The following IFIH1 variants were observed in gnomAD, a reference collection of about 807,000 sequenced individuals.
IFIH1 encodes interferon induced with helicase C domain 1.
In IFIH1, 125 loss-of-function variants were observed where a neutral mutation model predicts 107.4. The ratio of observed to expected loss-of-function variants is 1.16; its 90% CI spans 1.01 to 1.35. The LOEUF (loss-of-function observed/expected upper bound fraction) is 1.35, where lower values mean the gene tolerates loss of function less well. IFIH1 is among the 40% of genes most tolerant of loss of function. The pLI, the probability that IFIH1 is intolerant of heterozygous loss-of-function variation, is 0.00. For synonymous variants in IFIH1, 458 were observed against 413.2 expected (o/e 1.11, Z -1.31); for missense variants, 1,333 against 1,213.7 (o/e 1.10, Z -1.46).
At chr2:162,305,325 T>C (rs556737763) in intron 3 of IFIH1, among the ~76,000 whole-genome samples, 2 of 152,222 alleles carry the variant, frequency 1.3e-5, no homozygotes, top group African/African-American at 4.8e-5. Flanking sequence ...ATCCCAGCAC[T>C]TTGGGAGGCC....
Position 162,310,819 on chromosome 2 carries a change from T to C in IFIH1, c.568A>G (p.Asn190Asp), listed in dbSNP as rs746026239. The C allele has an allele frequency of 1.2e-6, 2 of 1,613,876 alleles. No individual in the cohort carries two copies. Among genetic ancestry groups the C allele is most frequent in the South Asian group, 2.2e-5 (2 of 91,070 alleles). Reference protein sequence around the residue: ...AFLNVLRQTGNNELVQELTGS... With the variant: ...AFLNVLRQTGDNELVQELTGS... Reference sequence around the variant, plus strand: ...GTTAACTCTTGGACAAGTTCATTGTTTCCTGTTTGACGAAGAACATTCAGA... The same window carrying C: ...GTTAACTCTTGGACAAGTTCATTGTCTCCTGTTTGACGAAGAACATTCAGA... Residue 190 changes from asparagine (N) to aspartate (D), a missense_variant, in exon 2 of 16, where the codon AAC becomes GAC. Coordinates refer to ENST00000649979, the MANE Select transcript of IFIH1 (RefSeq NM_022168.4).
At position 162,281,518 on chromosome 2, in the gene IFIH1, CA is replaced by C; in HGVS notation, c.1333del (p.Cys445ValfsTer14). 6.2e-7 allele frequency: 1 copy of C among 1,610,452 alleles called. No homozygotes were observed. The highest frequency in any genetic ancestry group is 1.7e-5 in the Admixed American group (1 of 59,700). On this transcript the variant is annotated frameshift_variant, in exon 7 of 16. Coordinates refer to ENST00000649979, the MANE Select transcript of IFIH1 (RefSeq NM_022168.4). LOFTEE classifies it high-confidence loss of function. ...SDFSLIIIDECHHTNKEAVYN... is the reference protein window; with the variant it reads ...SDFSLIIIDEXHHTNKEAVYN... ...CACTGCTTCTTTGTTGGTGTGATGA[CA>C]TTCATCAATGATAATGAGGGAAAAG...
rs1682718375 is a variant in IFIH1, at chr2:162,277,508, C to T, written c.1951G>A (p.Asp651Asn). The T allele has an allele frequency of 6.3e-7, 1 of 1,583,132 alleles. No homozygotes were observed. Among genetic ancestry groups the T allele is most frequent in the Non-Finnish European group, 8.7e-7 (1 of 1,152,348 alleles). ...IEDDSDEGGD[D>N]EYCDGDEDED... ...TCTTCATCACCATCACAATACTCATCATCACCACCCTCATCACTATCATCT... is the reference window on the plus strand; with the variant it reads ...TCTTCATCACCATCACAATACTCATTATCACCACCCTCATCACTATCATCT... Residue 651 changes from aspartate to asparagine, a missense_variant, in exon 10 of 16, where the codon GAT becomes AAT. Physicochemically the swap from Asp to Asn is conservative, Grantham distance 23. Transcript: ENST00000649979.
intron 11 of IFIH1, among the ~76,000 whole-genome samples, chr2:162,274,356 C>G (rs994397586): frequency 3.9e-5 from 6 of 152,086 alleles, no homozygotes; most frequent in Admixed American, 6.5e-5. Flanking sequence ...TGCAGAGATG[C>G]TTTGATATAT....
rs1162216329 is a variant in IFIH1 at position 162,303,898 on chromosome 2, A to G, written c.769+2811T>C. ...AGATGCAGGGTCATCTCTCAGCAGT[A>G]GCTCCATCTTCCCTTCTTTCTAGTG... On this transcript the variant is annotated intron_variant, in intron 3 of 15. Transcript: ENST00000649979. 6.6e-5 allele frequency among the ~76,000 whole-genome samples: 10 copies of G among 152,308 alleles called. No individual in the cohort carries two copies. The East Asian group carries it at 1.5e-3, about 24-fold the overall frequency.
chr2:162,268,880 C>T (rs775630326), intron 13 of IFIH1, among the ~76,000 whole-genome samples: 6 of 151,976 alleles, frequency 3.9e-5, no homozygotes, highest in Admixed American at 1.3e-4. Context: ...TGAGCCACTG[C>T]GCCAGCCTAC....
chr2:162,314,420 CTTTCTTT>C (rs1683442778), intron 1 of IFIH1, among the ~76,000 whole-genome samples: 4 of 34,196 alleles, frequency 1.2e-4, no homozygotes, highest in African/African-American at 7.5e-4. Flanking sequence ...TCTTTCTTTT[CTTTCTTT>C]CTTTCTTTCT....
In IFIH1 at chr2:162,267,382, G is replaced by A. The variant is rs1559808705; in HGVS notation, c.2899-3C>T. On this transcript the variant is annotated splice_region_variant and splice_polypyrimidine_tract_variant and intron_variant, in intron 15 of 15. Coordinates refer to ENST00000649979, the MANE Select transcript of IFIH1 (RefSeq NM_022168.4). ...TGCACCATCATTGTTCCCCAAGCCT[G>A]GAAAACAAAAGAGAGAGCAAGAGGA... 1 of 1,613,712 alleles carries A rather than the reference G, an allele frequency of 6.2e-7. No homozygotes were observed.
chr2:162,282,579 T>C lies in IFIH1; in HGVS notation c.1096-3A>G, dbSNP rs373969191. 120 of 1,587,320 alleles carry C rather than the reference T, an allele frequency of 7.6e-5. 1 individual carries two copies. The South Asian group carries it at 1.1e-3, about 15-fold the overall frequency. Reference sequence around the variant, plus strand: ...AAGAGCTGTTCAACTAGCAGTACCTTAAAAAAATGTGAAGATTTTTTAAAA... The same window carrying C: ...AAGAGCTGTTCAACTAGCAGTACCTCAAAAAAATGTGAAGATTTTTTAAAA... On this transcript the variant is annotated splice_polypyrimidine_tract_variant and splice_region_variant and intron_variant, in intron 5 of 15. Coordinates refer to ENST00000649979, the MANE Select transcript of IFIH1 (RefSeq NM_022168.4).
chr2:162,268,177 A>C lies in IFIH1; in HGVS notation c.2717T>G (p.Leu906Arg). ...GGCTAGCACACTGCAGTTTTTGCAA[A>C]GGAAAGTTATTAGTGATGGGTTATT... ...YKNNPSLITFLCKNCSVLACS... is the reference protein window; with the variant it reads ...YKNNPSLITFRCKNCSVLACS... The change falls in exon 14 of 16, where the codon CTT becomes CGT. Residue 906 changes from leucine (L) to arginine (R), a missense_variant. Physicochemically the swap from Leu to Arg is moderately radical, Grantham distance 102. Coordinates refer to ENST00000649979, the MANE Select transcript of IFIH1 (RefSeq NM_022168.4). The C allele has an allele frequency of 6.2e-7, 1 of 1,613,656 alleles. No homozygotes were observed. Among genetic ancestry groups the C allele is most frequent in the Non-Finnish European group, 8.5e-7 (1 of 1,179,636 alleles).
chr2:162,282,381 C>T lies in IFIH1; in HGVS notation c.1291G>A (p.Gly431Ser). The change falls in exon 6 of 16, where the codon GGT (glycine) becomes AGT (serine). Residue 431 changes from glycine (G) to serine (S), a missense_variant. By Grantham distance (56) the Gly-to-Ser change is moderately conservative. Coordinates refer to ENST00000649979, the MANE Select transcript of IFIH1 (RefSeq NM_022168.4). ...TTAAACTGACCTGACAATTGAACAC[C>T]AGCATCTTCTCCATTTTCCAAGTTT... is the stretch of plus-strand genomic sequence containing the variant. The part of the protein sequence containing the change: ...LLNLENGEDA[G>S]VQLSDFSLII... The T allele has an allele frequency of 6.2e-7, 1 of 1,607,818 alleles. No individual in the cohort carries two copies. Among genetic ancestry groups the T allele is most frequent in the Non-Finnish European group, 8.5e-7 (1 of 1,175,942 alleles).
At chr2:162,282,175 T>C (rs1235188698) in intron 6 of IFIH1, among the ~76,000 whole-genome samples, 191 bp downstream of exon 6, 2 of 151,972 alleles carry the variant, frequency 1.3e-5, no homozygotes, top group African/African-American at 4.8e-5. Flanking sequence ...ATGGTATTCT[T>C]ATGCAGAATA....
rs748633150 is a variant in IFIH1, at chr2:162,310,835, A to G, written c.552T>C (p.Val184=). Reference sequence around the variant, plus strand: ...GTTCATTGTTTCCTGTTTGACGAAGAACATTCAGAAATGCAGAGAACCAGT... The same window carrying G: ...GTTCATTGTTTCCTGTTTGACGAAGGACATTCAGAAATGCAGAGAACCAGT... ...KENWFSAFLN[V]LRQTGNNELV... is the part of the protein sequence containing the mutation. Residue 184 remains valine, a synonymous_variant, in exon 2 of 16, where the codon GTT becomes GTC. Coordinates refer to ENST00000649979, the MANE Select transcript of IFIH1 (RefSeq NM_022168.4). The G allele has an allele frequency of 5.6e-6, 9 of 1,613,520 alleles. No individual in the cohort carries two copies. The highest frequency in any genetic ancestry group is 4.2e-6 in the Non-Finnish European group (5 of 1,179,626).
chr2:162,281,566 G>T, intron 6 of IFIH1, 21 bp from the exon 7 acceptor site: 2 of 1,545,900 alleles, frequency 1.3e-6, no homozygotes, highest in Non-Finnish European at 1.8e-6. Flanking sequence ...AATTCAAAGA[G>T]TTCATTTCTC....
Position 162,281,361 on chromosome 2 carries a change from C to G in IFIH1, c.1491G>C (p.Thr497=), listed in dbSNP as rs12479043. 0.043 allele frequency: 68,838 copies of G among 1,612,322 alleles called. 7,793 individuals are homozygous for G. Among genetic ancestry groups the G allele is most frequent in the African/African-American group, 0.32 (23,993 of 74,808 alleles). The change falls in exon 7 of 16, where the codon ACG becomes ACC. Residue 497 remains threonine, a synonymous_variant. Coordinates refer to ENST00000649979, the MANE Select transcript of IFIH1 (RefSeq NM_022168.4). The stretch of plus-strand genomic sequence containing the variant: ...TGTGTTCTTCAGCTTTGGCTTGCTT[C>G]GTGGCCCCTCCAACACCAGGTGAAG... ...LTASPGVGGA[T]KQAKAEEHIL...
intron 15 of IFIH1, 48 bp from the exon 16 acceptor site, chr2:162,267,427 T>G: frequency 6.2e-7 from 1 of 1,612,622 alleles, no homozygotes; most frequent in East Asian, 2.2e-5. Context: ...GTACATGCAA[T>G]TAAACATTCC....
At chr2:162,282,148 G>A (rs577478796) in intron 6 of IFIH1, among the ~76,000 whole-genome samples, 4 of 151,924 alleles carry the variant, frequency 2.6e-5, no homozygotes, top group East Asian at 1.9e-4. Context: ...AAAGTCCAGC[G>A]AGTGCTTGCC....
chr2:162,276,793 G>T lies in IFIH1; in HGVS notation c.2198C>A (p.Ala733Glu), dbSNP rs200251981. Residue 733 changes from alanine to glutamate, a missense_variant, in exon 11 of 16, where the codon GCG (alanine) becomes GAG (glutamate). By Grantham distance (107) the Ala-to-Glu change is moderately radical. Coordinates refer to ENST00000649979, the MANE Select transcript of IFIH1 (RefSeq NM_022168.4). ...ATTTTCAGTAATCCACTGGGAAAGC[G>T]CATATGCACTCTGTCGTGTTTTTGT... Reference protein sequence around the residue: ...IFTKTRQSAYALSQWITENEK... With the variant: ...IFTKTRQSAYELSQWITENEK... 4.3e-6 allele frequency: 7 copies of T among 1,613,844 alleles called. No individual in the cohort carries two copies. In the African/African-American group the frequency reaches 8.0e-5, roughly 18 times the overall value.
chr2:162,312,575 G>A (rs1269703971), intron 1 of IFIH1, among the ~76,000 whole-genome samples: 1 of 152,142 alleles, frequency 6.6e-6, no homozygotes, highest in Non-Finnish European at 1.5e-5. Flanking sequence ...TTTCTGGCAA[G>A]AAGTGGTTAA....
Sources: gnomAD v4.1 joint callset for allele counts (sites outside exome capture counted in the v4.1 genomes callset) on GRCh38, gnomAD v4.1.1 for gene constraint, MANE v1.5 for transcripts, NCBI Gene and HGNC (gene_info 2026-07-23, HGNC 2026-07-21) for gene names.